Variants in GPAT4 observed in about 807,000 individuals in gnomAD.
GPAT4 encodes the protein 1-AGP acyltransferase 6.
Under a neutral mutation model 58.0 loss-of-function variants are expected in GPAT4, and 17 were observed. The ratio of observed to expected loss-of-function variants is 0.29; its 90% CI spans 0.20 to 0.44. The LOEUF (loss-of-function observed/expected upper bound fraction) is 0.44, where lower values mean the gene tolerates loss of function less well. Among genes scored for constraint, GPAT4 ranks in the 20% least tolerant of loss-of-function variants. The pLI, the probability that GPAT4 is intolerant of heterozygous loss-of-function variation, is 1.00. For synonymous variants in GPAT4, 204 were observed against 210.1 expected (o/e 0.97, Z 0.25); for missense variants, 377 against 574.5 (o/e 0.66, Z 3.51).
At chr8:41,617,178 A>T (rs1178388344) in intron 10 of GPAT4, among the ~76,000 whole-genome samples, 1 of 152,104 alleles carries the variant, frequency 6.6e-6, no homozygotes, top group Non-Finnish European at 1.5e-5. Context: ...CCTGGCCAAT[A>T]TGGTGAAACC....
intron 9 of GPAT4, 51 bp downstream of exon 9, chr8:41,614,492 G>A (rs1468268921): frequency 6.4e-7 from 1 of 1,567,280 alleles, no homozygotes; most frequent in South Asian, 1.1e-5. Context: ...GTGCAGGAGT[G>A]TGATGCTGAT....
In GPAT4 at chr8:41,579,580, G is replaced by C. The variant is rs1441845395; in HGVS notation, c.-849+1302G>C. ...TGGCCGGGCGTGGTGACTCACGCCGGTAATCCCAGCACTTTGGGAGGCCGA... is the reference window on the plus strand; with the variant it reads ...TGGCCGGGCGTGGTGACTCACGCCGCTAATCCCAGCACTTTGGGAGGCCGA... On this transcript the variant is annotated intron_variant, in intron 1 of 12. Transcript: ENST00000396987. Among the ~76,000 whole-genome samples the C allele has an allele frequency of 3.9e-5, 6 of 152,330 alleles. No individual in the cohort carries two copies. In the East Asian group the frequency reaches 5.8e-4, roughly 15 times the overall value.
chr8:41,585,102 A>G (rs1354227343), intron 1 of GPAT4, among the ~76,000 whole-genome samples: 9 of 152,162 alleles, frequency 5.9e-5, no homozygotes, highest in African/African-American at 1.9e-4. Context: ...ACAGCTTCCT[A>G]TTCAAGCAAA....
Position 41,612,289 on chromosome 8 carries a change from G to C in GPAT4, c.795+16G>C. On this transcript the variant is annotated intron_variant, in intron 7 of 12. Transcript: ENST00000396987. ...TTATGCCATGGTAAGAGCTCTTTCC[G>C]GTGCGTTCTTGAGGCAAGACTTCCT... 1 of 1,613,590 alleles carries C rather than the reference G, an allele frequency of 6.2e-7. No homozygotes were observed. Among genetic ancestry groups the C allele is most frequent in the African/African-American group, 1.3e-5 (1 of 75,036 alleles).
Position 41,624,466 on chromosome 8 carries a change from A to G in GPAT4, c.*3465A>G, listed in dbSNP as rs1803852966. The G allele has an allele frequency of 6.6e-6, 1 of 152,108 alleles. No homozygotes were observed. Among genetic ancestry groups the G allele is most frequent in the Non-Finnish European group, 1.5e-5 (1 of 68,034 alleles). The allele number at this position is 152,108 out of a possible 1,614,324, so 9.4% of individuals were successfully genotyped here. A position where few individuals can be genotyped will look rare whatever the true frequency, so the allele number is the denominator to read the frequency against. ...TTGATTTTCTGGGCTATTGCTTGCT[A>G]GTGTCCCCTGATGCATGAAGGATCC... On this transcript the variant is annotated 3_prime_UTR_variant, in exon 13 of 13. Coordinates refer to ENST00000396987, the MANE Select transcript of GPAT4 (RefSeq NM_178819.4).
chr8:41,614,502 T>A lies in GPAT4; in HGVS notation c.967+61T>A. 10 of 1,534,456 alleles carry A rather than the reference T, an allele frequency of 6.5e-6. No homozygotes were observed. The South Asian group carries it at 1.1e-4, about 18-fold the overall frequency. ...GGGGAGTGCAGGAGTGTGATGCTGATGTTTCCTGGGAACCAAGGCCCTCAG... is the reference window on the plus strand; with the variant it reads ...GGGGAGTGCAGGAGTGTGATGCTGAAGTTTCCTGGGAACCAAGGCCCTCAG... On this transcript the variant is annotated intron_variant, in intron 9 of 12. Coordinates refer to ENST00000396987, the MANE Select transcript of GPAT4 (RefSeq NM_178819.4).
Position 41,623,158 on chromosome 8 carries a change from C to T in GPAT4, c.*2157C>T, listed in dbSNP as rs1803805472. On this transcript the variant is annotated 3_prime_UTR_variant, in exon 13 of 13. Transcript: ENST00000396987. Reference sequence around the variant, plus strand: ...CTGTGGAGGGAAGTCCTGTGCGGGCCGGGCAGTGAGGAGAGCACTGATTCA... The same window carrying T: ...CTGTGGAGGGAAGTCCTGTGCGGGCTGGGCAGTGAGGAGAGCACTGATTCA... The T allele has an allele frequency of 6.6e-6, 1 of 152,176 alleles. No individual in the cohort carries two copies. The highest frequency in any genetic ancestry group is 1.5e-5 in the Non-Finnish European group (1 of 68,054). The allele number at this position is 152,176 out of a possible 1,614,324, so 9.4% of individuals were successfully genotyped here. A position where few individuals can be genotyped will look rare whatever the true frequency, so the allele number is the denominator to read the frequency against.
At chr8:41,587,906 C>T (rs1207652515) in intron 1 of GPAT4, among the ~76,000 whole-genome samples, 1 of 152,202 alleles carries the variant, frequency 6.6e-6, no homozygotes, top group Non-Finnish European at 1.5e-5. Flanking sequence ...GGATGTTTTT[C>T]CATTCTCACC....
chr8:41,597,476 TTAATCTC>T (rs1802964536), intron 1 of GPAT4, among the ~76,000 whole-genome samples: 1 of 152,136 alleles, frequency 6.6e-6, no homozygotes, highest in Non-Finnish European at 1.5e-5. Flanking sequence ...CTGGAGGAGT[TTAATCTC>T]TATGTGGAAA....
intron 1 of GPAT4, among the ~76,000 whole-genome samples, chr8:41,585,978 A>G (rs1802644929): frequency 6.6e-6 from 1 of 152,268 alleles, no homozygotes; most frequent in African/African-American, 2.4e-5. Flanking sequence ...TTATTGAGAT[A>G]CAATTCACCT....
chr8:41,578,276 T>G lies in GPAT4; in HGVS notation c.-851T>G, dbSNP rs999188. 0.44 allele frequency: 67,197 copies of G among 151,074 alleles called. 15,108 individuals carry two copies. Among genetic ancestry groups the G allele is most frequent in the Middle Eastern group, 0.53 (153 of 290 alleles). 9.4% of individuals were successfully genotyped at this position (151,074 alleles called of 1,614,324 possible). ...GATTTGGAGCTGCCTAGCCTCGCGG[T>G]CGGTGAGTAGGAGGGAGCTGGCCCC... is the stretch of plus-strand genomic sequence containing the variant. On this transcript the variant is annotated splice_region_variant and 5_prime_UTR_variant, in exon 1 of 13. Transcript: ENST00000396987.
intron 2 of GPAT4, among the ~76,000 whole-genome samples, chr8:41,605,149 C>T (rs1487495989): frequency 6.6e-6 from 1 of 152,218 alleles, no homozygotes; most frequent in African/African-American, 2.4e-5. Flanking sequence ...TTAGTGACTG[C>T]CTACTAAGTA....
At chr8:41,601,698 G>T (rs1462417217) in intron 2 of GPAT4, among the ~76,000 whole-genome samples, 2 of 152,198 alleles carry the variant, frequency 1.3e-5, no homozygotes, top group Non-Finnish European at 1.5e-5. Flanking sequence ...TAGGGCAGAA[G>T]GCCTAGAATC....
At chr8:41,614,545 T>C in intron 9 of GPAT4, 104 bp downstream of exon 9, 1 of 1,132,376 alleles carries the variant, frequency 8.8e-7, no homozygotes, top group South Asian at 1.3e-5. Flanking sequence ...TGGGGTTATC[T>C]GTTTTCACTG....
At chr8:41,614,463 C>T (rs377227166) in intron 9 of GPAT4, 22 bp downstream of exon 9, 118 of 1,612,950 alleles carry the variant, frequency 7.3e-5, no homozygotes, top group Non-Finnish European at 8.1e-5. Flanking sequence ...TTGGTTGCCA[C>T]GAAGGGCTTC....
Position 41,610,769 on chromosome 8 carries a change from G to T in GPAT4, c.570G>T (p.Leu190=). ...IALAFTGISL[L]VVGTTVVGYL... The stretch of plus-strand genomic sequence containing the variant: ...TGGCTTTCACAGGGATTAGCCTTCT[G>T]GTGGTGGGCACAACTGTGGTGGGAT... Residue 190 remains leucine, a synonymous_variant, in exon 5 of 13, where the codon CTG becomes CTT. Transcript: ENST00000396987. 3.1e-6 allele frequency: 5 copies of T among 1,612,358 alleles called. No homozygotes were observed. The highest frequency in any genetic ancestry group is 4.2e-6 in the Non-Finnish European group (5 of 1,179,146).
At chr8:41,603,610 A>G (rs1803167897) in intron 2 of GPAT4, among the ~76,000 whole-genome samples, 1 of 151,262 alleles carries the variant, frequency 6.6e-6, no homozygotes, top group African/African-American at 2.4e-5. Context: ...AAAGCTCCCC[A>G]GGGTATTCTG....
At chr8:41,618,621 T>G (rs1250133094) in intron 10 of GPAT4, 63 bp from the exon 11 acceptor site, 1 of 1,595,530 alleles carries the variant, frequency 6.3e-7, no homozygotes, top group Non-Finnish European at 8.6e-7. Flanking sequence ...CAGCAGTCAC[T>G]GTGGACTCGC....
Position 41,618,555 on chromosome 8 carries a change from C to A in GPAT4, c.1054-129C>A, listed in dbSNP as rs1203624125. Reference sequence around the variant, plus strand: ...CATGGAGAGGGGCTTCCACAGTACTCATGCAAGGTCAGGGAGCAGCACCCC... The same window carrying A: ...CATGGAGAGGGGCTTCCACAGTACTAATGCAAGGTCAGGGAGCAGCACCCC... On this transcript the variant is annotated intron_variant, in intron 10 of 12. Coordinates refer to ENST00000396987, the MANE Select transcript of GPAT4 (RefSeq NM_178819.4). 26 of 1,177,084 alleles carry A rather than the reference C, an allele frequency of 2.2e-5. 1 individual carries two copies. Among genetic ancestry groups the A allele is most frequent in the Non-Finnish European group, 3.2e-5 (26 of 812,018 alleles). 72.9% of individuals were successfully genotyped at this position (1,177,084 alleles called of 1,614,324 possible). A position where few individuals can be genotyped will look rare whatever the true frequency, so the allele number is the denominator to read the frequency against.
Sources: gnomAD v4.1 joint callset for allele counts (sites outside exome capture counted in the v4.1 genomes callset) on GRCh38, gnomAD v4.1.1 for gene constraint, MANE v1.5 for transcripts, NCBI Gene and HGNC (gene_info 2026-07-23, HGNC 2026-07-21) for gene names.